The following EYS variants were observed in gnomAD, a reference collection of about 807,000 sequenced individuals.
EYS encodes the protein protein eyes shut homolog.
EYS carries 250 observed loss-of-function variants against 282.1 expected under a neutral mutation model. That is an observed-to-expected ratio of 0.89 (90% CI 0.80 to 0.98). The LOEUF (loss-of-function observed/expected upper bound fraction) is 0.98, where lower values mean the gene tolerates loss of function less well. Ranked by LOEUF, EYS falls within the 50% of genes least tolerant of loss-of-function variation. EYS has a pLI of 0.00. For missense variants in EYS, 4,016 were observed against 3,709.0 expected (o/e 1.08, Z -2.15); for synonymous variants, 1,355 against 1,282.9 (o/e 1.06, Z -1.20).
chr6:64,120,407 A>G (rs1382606582), intron 31 of EYS, among the ~76,000 whole-genome samples: 1 of 151,350 alleles, frequency 6.6e-6, no homozygotes, highest in Non-Finnish European at 1.5e-5. Context: ...TTTTTAGATG[A>G]CAAAGCAAAT....
At chr6:64,026,792 C>T (rs189461225) in intron 33 of EYS, among the ~76,000 whole-genome samples, 341 of 152,196 alleles carry the variant, frequency 2.2e-3, no homozygotes, top group African/African-American at 7.7e-3. Context: ...CCACAAAACC[C>T]CCTAGGCTAT....
At chr6:65,111,610 C>A (rs548133627) in intron 12 of EYS, among the ~76,000 whole-genome samples, 7 of 152,148 alleles carry the variant, frequency 4.6e-5, no homozygotes. Context: ...CCTATTGGGA[C>A]GCCAAGGCAG....
At chr6:64,756,572 C>T (rs564374055) in intron 22 of EYS, among the ~76,000 whole-genome samples, 17 of 152,198 alleles carry the variant, frequency 1.1e-4, no homozygotes, top group African/African-American at 4.1e-4. Context: ...TTTTAAATAA[C>T]CTTTCATGTT....
intron 35 of EYS, among the ~76,000 whole-genome samples, chr6:63,964,162 G>A (rs986287977): frequency 2.0e-5 from 3 of 152,016 alleles, no homozygotes; most frequent in African/African-American, 7.2e-5. Flanking sequence ...TGTATTCTCA[G>A]TAGACTCTCC....
At position 65,207,053 on chromosome 6, in the gene EYS, G is replaced by A. The variant is rs115830403; in HGVS notation, c.2023+88810C>T. ...AATCAGGCAAGGAAAATAAATAAAA[G>A]GCATCCAAATTAGAGAACAGGAAGT... On this transcript the variant is annotated intron_variant, in intron 12 of 42. Coordinates refer to ENST00000503581, the MANE Select transcript of EYS (RefSeq NM_001142800.2). Among the ~76,000 whole-genome samples, 364 of 151,730 alleles carry A rather than the reference G, an allele frequency of 2.4e-3. 3 individuals are homozygous for A. The highest frequency in any genetic ancestry group is 8.4e-3 in the African/African-American group (350 of 41,470).
intron 22 of EYS, among the ~76,000 whole-genome samples, chr6:64,757,379 C>T (rs1444995470): frequency 6.6e-6 from 1 of 152,110 alleles, no homozygotes; most frequent in Admixed American, 6.5e-5. Flanking sequence ...TTATCTCTTA[C>T]CATAACTTTC....
At chr6:64,891,654 T>C (rs1160372830) in intron 18 of EYS, among the ~76,000 whole-genome samples, 1 of 152,076 alleles carries the variant, frequency 6.6e-6, no homozygotes, top group Non-Finnish European at 1.5e-5. Flanking sequence ...CCACCTCTAA[T>C]AAGGCTAGAG....
chr6:63,835,469 C>T (rs1213304243), intron 36 of EYS, among the ~76,000 whole-genome samples: 4 of 151,784 alleles, frequency 2.6e-5, no homozygotes, highest in African/African-American at 7.3e-5. Flanking sequence ...CTTTAAGTGA[C>T]GTAACTCAGG....
intron 36 of EYS, among the ~76,000 whole-genome samples, chr6:63,809,319 C>G (rs1188749727): frequency 1.3e-5 from 2 of 152,170 alleles, no homozygotes; most frequent in Admixed American, 6.5e-5. Flanking sequence ...CCATCTTCCG[C>G]CAGGTAACAT....
chr6:65,556,439 A>G (rs898564248), intron 2 of EYS, among the ~76,000 whole-genome samples: 1 of 135,002 alleles, frequency 7.4e-6, no homozygotes, highest in African/African-American at 2.7e-5. Context: ...ATTTTGAAGG[A>G]CTAACATGTG....
intron 36 of EYS, among the ~76,000 whole-genome samples, chr6:63,820,811 G>C (rs1158466015): frequency 6.6e-6 from 1 of 152,026 alleles, no homozygotes; most frequent in African/African-American, 2.4e-5. Context: ...ATCTTACTAT[G>C]CCAGTACCAC....
intron 31 of EYS, among the ~76,000 whole-genome samples, chr6:64,130,104 A>G (rs964287635): frequency 6.6e-6 from 1 of 152,178 alleles, no homozygotes. Flanking sequence ...TGGAAATACC[A>G]TTTGACCCAA....
chr6:64,964,546 T>A (rs932757688), intron 14 of EYS, among the ~76,000 whole-genome samples: 1 of 152,166 alleles, frequency 6.6e-6, no homozygotes, highest in South Asian at 2.1e-4. Context: ...AAATATCTTA[T>A]GTTTGTTAAG....
chr6:65,528,964 C>T (rs1767666512), intron 2 of EYS, among the ~76,000 whole-genome samples: 1 of 151,930 alleles, frequency 6.6e-6, no homozygotes, highest in African/African-American at 2.4e-5. Flanking sequence ...ATGGATGATT[C>T]AAGAGAAAGA....
chr6:64,120,758 T>A (rs1214764040), intron 31 of EYS, among the ~76,000 whole-genome samples: 1 of 152,190 alleles, frequency 6.6e-6, no homozygotes, highest in Non-Finnish European at 1.5e-5. Flanking sequence ...TATATAAGTT[T>A]GTGAGTACAT....
chr6:64,754,950 G>T (rs951589320), intron 22 of EYS, among the ~76,000 whole-genome samples: 2 of 152,014 alleles, frequency 1.3e-5, no homozygotes, highest in Admixed American at 6.5e-5. Context: ...AGATCAATCA[G>T]GCAAGAGAAA....
At chr6:64,826,152 A>T (rs1050358931) in intron 19 of EYS, among the ~76,000 whole-genome samples, 9 of 151,556 alleles carry the variant, frequency 5.9e-5, no homozygotes, top group African/African-American at 2.2e-4. Context: ...AGAGTTCTAG[A>T]CTCCTTGCAT....
At position 63,823,735 on chromosome 6, in the gene EYS, C is replaced by G. The variant is rs114181869; in HGVS notation, c.7229-17363G>C. ...TAATTTATTTTGGTTTATTTCTATG[C>G]TTTACATCTTAAAATGGGTACTTCT... is the stretch of plus-strand genomic sequence containing the variant. On this transcript the variant is annotated intron_variant, in intron 36 of 42. Transcript: ENST00000503581. 3.3e-3 allele frequency among the ~76,000 whole-genome samples: 504 copies of G among 152,136 alleles called. 2 individuals are homozygous for G. The highest frequency in any genetic ancestry group is 0.011 in the African/African-American group (467 of 41,538).
intron 12 of EYS, among the ~76,000 whole-genome samples, chr6:65,109,420 G>A (rs779853396): frequency 6.6e-6 from 1 of 151,728 alleles, no homozygotes; most frequent in Non-Finnish European, 1.5e-5. Flanking sequence ...TGTTTGTTTT[G>A]GTAGGATTGA....
Sources: gnomAD v4.1 joint callset for allele counts (sites outside exome capture counted in the v4.1 genomes callset) on GRCh38, gnomAD v4.1.1 for gene constraint, MANE v1.5 for transcripts, NCBI Gene and HGNC (gene_info 2026-07-23, HGNC 2026-07-21) for gene names.